PPARGC1A: variants seen among roughly 807,000 people sequenced by gnomAD.
PPARGC1A encodes peroxisome proliferator-activated receptor gamma coactivator 1-alpha.
PPARGC1A carries 25 observed loss-of-function variants against 88.7 expected under a neutral mutation model. The ratio of observed to expected loss-of-function variants is 0.28; its 90% CI spans 0.21 to 0.39. The LOEUF is 0.39. PPARGC1A is among the 10% of genes least tolerant of loss of function. The pLI is 1.00. For missense variants in PPARGC1A, 880 were observed against 968.7 expected (o/e 0.91, Z 1.22); for synonymous variants, 363 against 355.6 (o/e 1.02, Z -0.24).
the PPARGC1A span, among the ~76,000 whole-genome samples, chr4:24,464,373 T>C: frequency 6.6e-6 from 1 of 152,220 alleles, no homozygotes; most frequent in Non-Finnish European, 1.5e-5. Context: ...TAATTCCTCA[T>C]TCAAAAGCTG....
At chr4:24,033,661 A>G in the PPARGC1A span, among the ~76,000 whole-genome samples, 1 of 138,812 alleles carries the variant, frequency 7.2e-6, no homozygotes, top group Non-Finnish European at 1.5e-5. Flanking sequence ...TATGCTGTTA[A>G]AAAAGAAAAA....
upstream of PPARGC1A, among the ~76,000 whole-genome samples, chr4:23,893,798 T>A (rs767591170): frequency 2.0e-5 from 3 of 152,174 alleles, no homozygotes; most frequent in Admixed American, 6.6e-5. Context: ...CCATATACAC[T>A]ATTTATACAA....
At chr4:24,463,447 T>C in the PPARGC1A span, among the ~76,000 whole-genome samples, 1 of 152,236 alleles carries the variant, frequency 6.6e-6, no homozygotes, top group African/African-American at 2.4e-5. Flanking sequence ...TGGGGACATT[T>C]AAATGGAAGC....
the PPARGC1A span, among the ~76,000 whole-genome samples, chr4:24,327,207 T>C: frequency 1.3e-5 from 2 of 152,218 alleles, no homozygotes; most frequent in Non-Finnish European, 2.9e-5. Flanking sequence ...CGCTCCTTTT[T>C]ATTAGGCCCC....
the PPARGC1A span, among the ~76,000 whole-genome samples, chr4:24,313,156 G>A: frequency 6.6e-6 from 1 of 152,082 alleles, no homozygotes. Context: ...TGCTGCAAAG[G>A]GATCAGTGAA....
chr4:24,471,797 T>A, the PPARGC1A span, among the ~76,000 whole-genome samples: 1 of 152,054 alleles, frequency 6.6e-6, no homozygotes, highest in Non-Finnish European at 1.5e-5. The surrounding 1 kb of genome is among the most constrained non-coding windows in gnomAD (Gnocchi z 5.4). Flanking sequence ...AGGCGCGGGG[T>A]CAGGAGGAGC....
At chr4:24,370,858 C>A in the PPARGC1A span, among the ~76,000 whole-genome samples, 25,839 of 146,660 alleles carry the variant, frequency 0.18, 2,225 homozygotes, top group South Asian at 0.24. Context: ...TGGTTTGCTG[C>A]ACCTATCAAC....
the PPARGC1A span, among the ~76,000 whole-genome samples, chr4:24,302,904 C>T: frequency 6.6e-6 from 1 of 152,188 alleles, no homozygotes; most frequent in African/African-American, 2.4e-5. Flanking sequence ...TCTTAATGAA[C>T]ATTCTTTCCC....
chr4:24,472,669 C>T, the PPARGC1A span, among the ~76,000 whole-genome samples: 1 of 151,688 alleles, frequency 6.6e-6, no homozygotes, highest in Non-Finnish European at 1.5e-5. The surrounding 1 kb of genome is among the most constrained non-coding windows in gnomAD (Gnocchi z 4.5). Flanking sequence ...GGGCTGCCGC[C>T]GCCGCCGCCG....
At chr4:24,421,707 A>C in the PPARGC1A span, among the ~76,000 whole-genome samples, 31 of 152,218 alleles carry the variant, frequency 2.0e-4, no homozygotes, top group Non-Finnish European at 3.7e-4. Context: ...CACTGCCTCC[A>C]TGATGCGTAC....
intron 1 of PPARGC1A, among the ~76,000 whole-genome samples, chr4:23,896,934 C>T (rs531837843): frequency 3.3e-5 from 5 of 152,226 alleles, no homozygotes; most frequent in Non-Finnish European, 2.9e-5. Flanking sequence ...AGTTTCAACC[C>T]GGTGACATAC....
chr4:23,934,872 AAAC>A, the PPARGC1A span, among the ~76,000 whole-genome samples: 2 of 152,198 alleles, frequency 1.3e-5, no homozygotes, highest in Non-Finnish European at 2.9e-5. Flanking sequence ...GTTAAACAAA[AAAC>A]AATTGCCACT....
intron 2 of PPARGC1A, among the ~76,000 whole-genome samples, chr4:23,838,316 C>T (rs545224468): frequency 6.6e-6 from 1 of 152,234 alleles, no homozygotes; most frequent in African/African-American, 2.4e-5. Context: ...CCCTTTCTCA[C>T]ACACCCAACC....
At chr4:24,164,475 C>T in the PPARGC1A span, among the ~76,000 whole-genome samples, 2 of 152,192 alleles carry the variant, frequency 1.3e-5, no homozygotes, top group Admixed American at 6.5e-5. Flanking sequence ...GAGAGGGGAG[C>T]AATGCCCAGA....
chr4:24,462,283 G>A, the PPARGC1A span, among the ~76,000 whole-genome samples: 1 of 148,426 alleles, frequency 6.7e-6, no homozygotes, highest in South Asian at 2.1e-4. Context: ...TTTTAGTAGA[G>A]GCAGGGTTTC....
rs1560319674 is a variant in PPARGC1A at position 23,801,761 on chromosome 4, C to T, written c.2262G>A (p.Lys754=). ...CTGCATAGTTAGACTTGAAAAATTG[C>T]TTGCGTCCACAAAAGTACAGCTCAA... is the stretch of plus-strand genomic sequence containing the variant. The part of the protein sequence containing the change: ...TDFELYFCGR[K]QFFKSNYADL... The change falls in exon 12 of 13, where the codon AAG becomes AAA. Residue 754 remains lysine, a synonymous_variant. Transcript: ENST00000264867. 1 of 1,613,988 alleles carries T rather than the reference C, an allele frequency of 6.2e-7. No individual in the cohort carries two copies.
the PPARGC1A span, among the ~76,000 whole-genome samples, chr4:24,096,865 C>T: frequency 1.7e-4 from 26 of 152,126 alleles, no homozygotes; most frequent in East Asian, 9.6e-4. Context: ...TATATATATA[C>T]GAAAAACCTA....
At chr4:24,245,269 T>G in the PPARGC1A span, among the ~76,000 whole-genome samples, 41,403 of 152,186 alleles carry the variant, frequency 0.27, 5,873 homozygotes, top group East Asian at 0.44. Context: ...CATGGGCCTG[T>G]GTGGCCCCAA....
At chr4:24,298,349 A>G in the PPARGC1A span, among the ~76,000 whole-genome samples, 1 of 152,164 alleles carries the variant, frequency 6.6e-6, no homozygotes, top group Non-Finnish European at 1.5e-5. Context: ...GTAACCTCGG[A>G]TAAGTTGCTT....
Sources: allele counts gnomAD v4.1 joint callset (sites outside exome capture counted in the v4.1 genomes callset), GRCh38; gene constraint gnomAD v4.1.1; non-coding constraint Gnocchi (gnomAD v3.1); transcripts MANE v1.5; gene names NCBI Gene and HGNC (gene_info 2026-07-23, HGNC 2026-07-21).